GRK5: variants seen among roughly 807,000 people sequenced by gnomAD.
The protein encoded by GRK5 is g protein-coupled receptor kinase GRK5.
Under a neutral mutation model 78.4 loss-of-function variants are expected in GRK5, and 40 were observed. The observed-to-expected ratio is 0.51, with a 90% CI of 0.40 to 0.66. The LOEUF (loss-of-function observed/expected upper bound fraction) is 0.66. Ranked by LOEUF, GRK5 falls within the 30% of genes least tolerant of loss-of-function variation. The pLI, the probability that GRK5 is intolerant of heterozygous loss-of-function variation, is 0.00. For missense variants in GRK5, 598 were observed against 759.9 expected (o/e 0.79, Z 2.50); for synonymous variants, 289 against 296.8 (o/e 0.97, Z 0.27).
intron 1 of GRK5, among the ~76,000 whole-genome samples, chr10:119,232,372 A>T (rs1339111758): frequency 6.6e-6 from 1 of 152,242 alleles, no homozygotes; most frequent in African/African-American, 2.4e-5. Flanking sequence ...TAACAACACA[A>T]AATTATAGCT....
At chr10:119,394,206 CTGTG>C (rs1185471801) in intron 3 of GRK5, among the ~76,000 whole-genome samples, 1 of 22,634 alleles carries the variant, frequency 4.4e-5, no homozygotes, top group Non-Finnish European at 9.5e-5. Flanking sequence ...GGGTGTGTAT[CTGTG>C]TGTGGGTACG....
At chr10:119,401,203 T>C (rs1157645514) in intron 4 of GRK5, among the ~76,000 whole-genome samples, 1 of 152,144 alleles carries the variant, frequency 6.6e-6, no homozygotes, top group East Asian at 1.9e-4. Context: ...CATCTTAAAA[T>C]TGCTGGAAGC....
chr10:119,438,836 A>G (rs539396895), intron 9 of GRK5, among the ~76,000 whole-genome samples: 15 of 152,388 alleles, frequency 9.8e-5, no homozygotes, highest in African/African-American at 3.6e-4. Context: ...TAACAGCAAC[A>G]AAAGTATTTT....
At chr10:119,224,867 C>G (rs1300984249) in intron 1 of GRK5, among the ~76,000 whole-genome samples, 1 of 152,138 alleles carries the variant, frequency 6.6e-6, no homozygotes, top group Non-Finnish European at 1.5e-5. Flanking sequence ...TGTGTGGCTC[C>G]TCTCCAAGCA....
intron 1 of GRK5, among the ~76,000 whole-genome samples, chr10:119,288,431 G>C (rs2133699503): frequency 1.3e-5 from 2 of 152,334 alleles, no homozygotes; most frequent in South Asian, 4.1e-4. Flanking sequence ...TGCTTAACAA[G>C]TAGGTATCGA....
intron 3 of GRK5, 68 bp from the exon 4 acceptor site, chr10:119,396,627 G>C (rs3781495): frequency 0.024 from 31,340 of 1,314,578 alleles, 1,291 homozygotes; most frequent in East Asian, 0.16. Flanking sequence ...CAGGGGCTGT[G>C]AGGTTCTGTA....
chr10:119,226,747 A>G (rs1848748401), intron 1 of GRK5, among the ~76,000 whole-genome samples: 1 of 150,760 alleles, frequency 6.6e-6, no homozygotes, highest in Non-Finnish European at 1.5e-5. Flanking sequence ...TTTTTAGTAG[A>G]GATGGGGTTT....
At chr10:119,324,345 G>A (rs554927877) in intron 1 of GRK5, among the ~76,000 whole-genome samples, 2 of 152,284 alleles carry the variant, frequency 1.3e-5, no homozygotes, top group South Asian at 2.1e-4. Context: ...AGTTCCTGCC[G>A]GCCAGGTGCA....
intron 1 of GRK5, among the ~76,000 whole-genome samples, chr10:119,225,354 A>T (rs1848718268): frequency 1.3e-5 from 2 of 152,198 alleles, no homozygotes; most frequent in Admixed American, 1.3e-4. Flanking sequence ...AAAATGTAAG[A>T]ATTTTCCATC....
chr10:119,413,158 G>A (rs1436021399), intron 4 of GRK5, among the ~76,000 whole-genome samples: 1 of 151,998 alleles, frequency 6.6e-6, no homozygotes, highest in Non-Finnish European at 1.5e-5. Flanking sequence ...GCGGTACCTA[G>A]GCTGGGAACC....
At chr10:119,418,988 C>A (rs1323882254) in intron 4 of GRK5, among the ~76,000 whole-genome samples, 4 of 152,212 alleles carry the variant, frequency 2.6e-5, no homozygotes, top group Non-Finnish European at 4.4e-5. Flanking sequence ...CAGCTCCATC[C>A]CAGAGGGACA....
At chr10:119,319,026 A>T (rs969621767) in intron 1 of GRK5, among the ~76,000 whole-genome samples, 5 of 152,114 alleles carry the variant, frequency 3.3e-5, no homozygotes, top group Admixed American at 3.3e-4. Flanking sequence ...GTGGCTTTTT[A>T]TTATTACTTG....
Position 119,454,963 on chromosome 10 carries a change from C to A in GRK5, c.1675-6C>A, listed in dbSNP as rs11591244. On this transcript the variant is annotated splice_region_variant and splice_polypyrimidine_tract_variant and intron_variant, in intron 15 of 15. Transcript: ENST00000392870. ...TCCACCCCGTCTCCCCCAACCCCAA[C>A]CCCAGCATCAGAACAATTCCAAGAG... 6.2e-7 allele frequency: 1 copy of A among 1,603,010 alleles called. No homozygotes were observed. Among genetic ancestry groups the A allele is most frequent in the Non-Finnish European group, 8.5e-7 (1 of 1,170,480 alleles).
chr10:119,380,956 T>C, intron 3 of GRK5, 29 bp downstream of exon 3: 1 of 1,297,126 alleles, frequency 7.7e-7, no homozygotes, highest in South Asian at 1.2e-5. Flanking sequence ...GGGATGGTCC[T>C]GTGGTCCTCT....
chr10:119,304,284 C>CTTTTTTTTT (rs59740732), intron 1 of GRK5, among the ~76,000 whole-genome samples: 3 of 75,042 alleles, frequency 4.0e-5, no homozygotes, highest in Admixed American at 1.7e-4. Flanking sequence ...GTGTGAGCTG[C>CTTTTTTTTT]TTTTTTTTTT....
rs911675085 is a variant in GRK5 at position 119,434,939 on chromosome 10, T to C, written c.739-1712T>C. Among the ~76,000 whole-genome samples the C allele has an allele frequency of 2.0e-5, 3 of 152,126 alleles. No individual in the cohort carries two copies. In the East Asian group the frequency reaches 5.8e-4, roughly 29 times the overall value. Reference sequence around the variant, plus strand: ...ACATCTTCTGAAATCTAGGCGGAGGTTCCCAAACCTCAATTCTTGACTTCT... The same window carrying C: ...ACATCTTCTGAAATCTAGGCGGAGGCTCCCAAACCTCAATTCTTGACTTCT... On this transcript the variant is annotated intron_variant, in intron 8 of 15. Coordinates refer to ENST00000392870, the MANE Select transcript of GRK5 (RefSeq NM_005308.3).
At chr10:119,372,103 A>C (rs1851556650) in intron 2 of GRK5, among the ~76,000 whole-genome samples, 1 of 152,212 alleles carries the variant, frequency 6.6e-6, no homozygotes, top group Non-Finnish European at 1.5e-5. Context: ...GATAACACAA[A>C]ATGTCTACAG....
intron 1 of GRK5, among the ~76,000 whole-genome samples, chr10:119,317,247 T>C (rs1446921211): frequency 6.6e-6 from 1 of 152,104 alleles, no homozygotes; most frequent in Admixed American, 6.5e-5. Context: ...CCACTGCGGA[T>C]CCTGCCTTCC....
At chr10:119,222,030 C>T (rs1016589676) in intron 1 of GRK5, among the ~76,000 whole-genome samples, 4 of 152,128 alleles carry the variant, frequency 2.6e-5, no homozygotes, top group South Asian at 2.1e-4. Flanking sequence ...CCCACAGCTT[C>T]GTAAGGTGTC....
Sources: allele counts gnomAD v4.1 joint callset (sites outside exome capture counted in the v4.1 genomes callset), GRCh38; gene constraint gnomAD v4.1.1; transcripts MANE v1.5; gene names NCBI Gene and HGNC (gene_info 2026-07-23, HGNC 2026-07-21).